NFIB: variants seen among roughly 807,000 people sequenced by gnomAD.
NFIB encodes nuclear factor I B.
Under a neutral mutation model 61.5 loss-of-function variants are expected in NFIB, and 11 were observed. The observed-to-expected ratio is 0.18, with a 90% confidence interval of 0.11 to 0.30. The LOEUF (loss-of-function observed/expected upper bound fraction) is 0.30, where lower values mean the gene tolerates loss of function less well. Ranked by LOEUF, NFIB falls within the 10% of genes least tolerant of loss-of-function variation. NFIB has a pLI of 1.00. For synonymous variants in NFIB, 260 were observed against 216.5 expected (o/e 1.20, Z -1.76); for missense variants, 471 against 608.9 (o/e 0.77, Z 2.38).
At chr9:14,315,484 G>T (rs183660885), upstream of NFIB, among the ~76,000 whole-genome samples, 1 of 147,042 alleles carries the variant, frequency 6.8e-6, no homozygotes, top group African/African-American at 2.5e-5. Context: ...CCGGCGGAAA[G>T]CGTCTCCCTA....
intron 3 of NFIB, among the ~76,000 whole-genome samples, chr9:14,176,514 C>G (rs1036314246): frequency 6.6e-6 from 1 of 151,958 alleles, no homozygotes; most frequent in African/African-American, 2.4e-5. Flanking sequence ...TAAAGAAATA[C>G]CATAAAGGCT....
At chr9:14,209,822 G>A (rs947601667) in intron 2 of NFIB, among the ~76,000 whole-genome samples, 2 of 151,962 alleles carry the variant, frequency 1.3e-5, no homozygotes, top group African/African-American at 2.4e-5. Flanking sequence ...GGGTAAACTT[G>A]CCCACTGTGA....
At chr9:14,206,205 G>C (rs1283666365) in intron 2 of NFIB, among the ~76,000 whole-genome samples, 4 of 149,902 alleles carry the variant, frequency 2.7e-5, no homozygotes, top group Non-Finnish European at 4.4e-5. Flanking sequence ...CTTTGAGATG[G>C]AATCTCACTC....
At chr9:14,385,935 A>G (rs1296482438) in intron 1 of NFIB, among the ~76,000 whole-genome samples, 2 of 151,934 alleles carry the variant, frequency 1.3e-5, no homozygotes, top group Non-Finnish European at 2.9e-5. Flanking sequence ...GGCATGTTCC[A>G]CGGCACCCAG....
chr9:14,180,728 A>G (rs967866479), intron 2 of NFIB: 1 of 152,224 alleles, frequency 6.6e-6, no homozygotes. Context: ...ACTAAATTGC[A>G]TACTCCTAAG....
chr9:14,316,680 C>G (rs1234827138), upstream of NFIB, among the ~76,000 whole-genome samples: 63 of 152,224 alleles, frequency 4.1e-4, no homozygotes, highest in Non-Finnish European at 7.4e-5. Context: ...TAAACACACA[C>G]AGACACACAC....
intron 10 of NFIB, among the ~76,000 whole-genome samples, chr9:14,111,074 G>A (rs537558066): frequency 1.1e-3 from 167 of 152,096 alleles, no homozygotes; most frequent in African/African-American, 3.5e-3. Flanking sequence ...AAGTGGTCTC[G>A]ATTCAATGTT....
intron 1 of NFIB, among the ~76,000 whole-genome samples, chr9:14,388,637 T>C (rs554355987): frequency 5.1e-4 from 78 of 152,070 alleles, no homozygotes; most frequent in African/African-American, 1.7e-3. Flanking sequence ...CATATAAAAA[T>C]TATGAATGGG....
chr9:14,475,054 C>T, the NFIB span, among the ~76,000 whole-genome samples: 4 of 152,220 alleles, frequency 2.6e-5, no homozygotes, highest in Non-Finnish European at 5.9e-5. Context: ...CTCACAGACA[C>T]GCCCAGAAGT....
intron 2 of NFIB, among the ~76,000 whole-genome samples, chr9:14,217,767 C>T (rs1055545799): frequency 4.0e-5 from 6 of 151,372 alleles, no homozygotes; most frequent in South Asian, 4.2e-4. Flanking sequence ...TGCTAATTAT[C>T]TCATTCAAGA....
intron 1 of NFIB, among the ~76,000 whole-genome samples, chr9:14,327,635 C>T (rs2060771794): frequency 6.6e-6 from 1 of 152,132 alleles, no homozygotes; most frequent in Non-Finnish European, 1.5e-5. Context: ...GTAGCCTTCC[C>T]ATGGGGTGTT....
chr9:14,411,278 G>A, the NFIB span, among the ~76,000 whole-genome samples: 14 of 152,256 alleles, frequency 9.2e-5, no homozygotes, highest in African/African-American at 3.1e-4. Flanking sequence ...TTTTACTGAC[G>A]TTGAATTTGT....
the NFIB span, among the ~76,000 whole-genome samples, chr9:14,461,082 G>A: frequency 1.3e-5 from 2 of 152,038 alleles, no homozygotes; most frequent in Admixed American, 1.3e-4. Context: ...CCCCAAGGCT[G>A]GATAAGCTCA....
intron 2 of NFIB, among the ~76,000 whole-genome samples, chr9:14,242,079 A>G (rs1354574611): frequency 2.0e-5 from 3 of 152,214 alleles, no homozygotes; most frequent in African/African-American, 7.2e-5. Context: ...AAAAGGCGAC[A>G]GAGTCCACAT....
chr9:14,150,489 G>C (rs1021960982), intron 4 of NFIB, among the ~76,000 whole-genome samples: 1 of 151,944 alleles, frequency 6.6e-6, no homozygotes. Context: ...ATAATCACTG[G>C]TTACCAATTT....
At chr9:14,334,384 C>G (rs750341658) in intron 1 of NFIB, among the ~76,000 whole-genome samples, 8 of 152,296 alleles carry the variant, frequency 5.3e-5, no homozygotes, top group African/African-American at 1.9e-4. Flanking sequence ...TATATTCCAA[C>G]GTATAGCAAT....
At chr9:14,151,824 T>A (rs2042905266) in intron 4 of NFIB, among the ~76,000 whole-genome samples, 1 of 152,118 alleles carries the variant, frequency 6.6e-6, no homozygotes, top group African/African-American at 2.4e-5. Flanking sequence ...ACTCTGGGGC[T>A]TTGCAACAAA....
intron 2 of NFIB, among the ~76,000 whole-genome samples, chr9:14,272,354 C>T (rs2057688311): frequency 6.6e-6 from 1 of 151,874 alleles, no homozygotes; most frequent in African/African-American, 2.4e-5. Context: ...AGGATGATGA[C>T]CCATGCAATA....
chr9:14,459,362 T>G, the NFIB span, among the ~76,000 whole-genome samples: 2 of 152,160 alleles, frequency 1.3e-5, no homozygotes, highest in Admixed American at 1.3e-4. Flanking sequence ...ACACAAAAAC[T>G]AATTCAAGAT....
Sources: allele counts gnomAD v4.1 joint callset (sites outside exome capture counted in the v4.1 genomes callset), GRCh38; gene constraint gnomAD v4.1.1; transcripts MANE v1.5; gene names NCBI Gene and HGNC (gene_info 2026-07-23, HGNC 2026-07-21).